DAB1: variants seen among roughly 807,000 people sequenced by gnomAD.
The protein encoded by DAB1 is DAB adaptor protein 1.
DAB1 carries 15 observed loss-of-function variants against 64.6 expected under a neutral mutation model. The ratio of observed to expected loss-of-function variants is 0.23; its 90% CI spans 0.16 to 0.36. DAB1 has a LOEUF of 0.36. Ranked by LOEUF, DAB1 falls within the 10% of genes least tolerant of loss-of-function variation. The probability of loss-of-function intolerance (pLI) is 1.00; values close to 1 mark genes in which losing one functional copy is unlikely to be tolerated. For synonymous variants in DAB1, 235 were observed against 251.9 expected (o/e 0.93, Z 0.64); for missense variants, 596 against 706.7 (o/e 0.84, Z 1.78).
At chr1:57,886,903 G>T (rs1644231738), upstream of DAB1, among the ~76,000 whole-genome samples, 1 of 152,226 alleles carries the variant, frequency 6.6e-6, no homozygotes, top group Non-Finnish European at 1.5e-5. Flanking sequence ...TGAGTTTGCA[G>T]ATGTCAGAAT....
In DAB1 at chr1:57,624,792, G is replaced by A. The variant is rs566086105; in HGVS notation, n.625+24800C>T. On this transcript the variant is annotated intron_variant and non_coding_transcript_variant, in intron 7 of 20. Coordinates refer to the DAB1 transcript ENST00000485760. ...GATCTGTCATTCTAAGACTTATTTG[G>A]GAGTTTTCCTACATATGCTGGCAGA... 3.3e-5 allele frequency among the ~76,000 whole-genome samples: 5 copies of A among 152,192 alleles called. No individual in the cohort carries two copies. In the South Asian group the frequency reaches 1.0e-3, roughly 32 times the overall value.
At chr1:58,020,871 C>T (rs113033850) in intron 5 of DAB1, among the ~76,000 whole-genome samples, 5 of 152,042 alleles carry the variant, frequency 3.3e-5, no homozygotes, top group Admixed American at 6.6e-5. Context: ...GGGGTGATGG[C>T]GCACACCTGT....
At chr1:58,480,602 T>C (rs1645463904) in intron 3 of DAB1, 1 of 165,464 alleles carries the variant, frequency 6.0e-6, no homozygotes, top group African/African-American at 2.4e-5. Flanking sequence ...CGACCCAGAC[T>C]TAGAAATCCA....
At chr1:57,704,919 T>TTTCC (rs1285048591) in intron 6 of DAB1, among the ~76,000 whole-genome samples, 2 of 125,262 alleles carry the variant, frequency 1.6e-5, no homozygotes, top group African/African-American at 3.0e-5. Flanking sequence ...CCTTTTCATC[T>TTTCC]TTCCTTCCTT....
chr1:57,662,439 G>A (rs559221645), intron 6 of DAB1, among the ~76,000 whole-genome samples: 23 of 152,174 alleles, frequency 1.5e-4, no homozygotes, highest in South Asian at 1.0e-3. Context: ...CAGGTGATCC[G>A]CCCATCTCCA....
chr1:57,113,786 A>AT (rs1237456850), intron 4 of DAB1, among the ~76,000 whole-genome samples: 1 of 152,190 alleles, frequency 6.6e-6, no homozygotes, highest in East Asian at 1.9e-4. Flanking sequence ...TTACAGCCTG[A>AT]TTTTAAAGAC....
intron 5 of DAB1, among the ~76,000 whole-genome samples, chr1:57,960,967 T>C (rs910699096): frequency 1.3e-5 from 2 of 152,214 alleles, no homozygotes; most frequent in Non-Finnish European, 2.9e-5. Flanking sequence ...GCTGGACAGA[T>C]TAGAGACCAA....
chr1:57,578,143 C>T (rs1570643978), intron 7 of DAB1, among the ~76,000 whole-genome samples: 2 of 152,188 alleles, frequency 1.3e-5, no homozygotes, highest in African/African-American at 2.4e-5. Context: ...GCCAGGGACT[C>T]GTAAATCAAA....
chr1:57,428,099 C>T (rs780919692), upstream of DAB1, among the ~76,000 whole-genome samples: 3 of 151,700 alleles, frequency 2.0e-5, no homozygotes, highest in South Asian at 2.1e-4. Context: ...ACCCAGGAGG[C>T]GGAGGGTGCA....
chr1:57,334,225 G>T (rs1462562187), intron 1 of DAB1, among the ~76,000 whole-genome samples: 1 of 152,198 alleles, frequency 6.6e-6, no homozygotes, highest in Non-Finnish European at 1.5e-5. Context: ...CATCTAAAGT[G>T]GACTCCAAGC....
chr1:57,649,098 G>A (rs1257955698), intron 7 of DAB1, among the ~76,000 whole-genome samples: 7 of 152,124 alleles, frequency 4.6e-5, no homozygotes, highest in South Asian at 2.1e-4. Flanking sequence ...CTTTATGCTC[G>A]TAAATCTCCA....
intron 1 of DAB1, among the ~76,000 whole-genome samples, chr1:57,339,836 A>C (rs538903000): frequency 1.3e-4 from 20 of 152,342 alleles, no homozygotes; most frequent in African/African-American, 1.4e-4. Flanking sequence ...TTAGTACTGA[A>C]AACTTAAGCA....
chr1:58,491,616 T>A (rs1048626261), intron 3 of DAB1, among the ~76,000 whole-genome samples: 17 of 152,122 alleles, frequency 1.1e-4, no homozygotes, highest in African/African-American at 4.1e-4. Context: ...GTTGCAATCC[T>A]AGTCTCTGAT....
chr1:58,227,858 G>GTTTCTGAGATTTATTTCTGAGATTTA (rs1659571493), intron 4 of DAB1, among the ~76,000 whole-genome samples: 1 of 152,144 alleles, frequency 6.6e-6, no homozygotes, highest in Non-Finnish European at 1.5e-5. Context: ...TGACAAAACA[G>GTTTCTGAGATTTATTTCTGAGATTTA]TTTCTGAGAT....
intron 4 of DAB1, among the ~76,000 whole-genome samples, chr1:58,243,680 T>C (rs1219581437): frequency 6.6e-6 from 1 of 152,208 alleles, no homozygotes; most frequent in African/African-American, 2.4e-5. Context: ...AACATTCTCT[T>C]CTATCTTTCA....
intron 2 of DAB1, among the ~76,000 whole-genome samples, chr1:57,248,785 C>T (rs1462790396): frequency 1.3e-5 from 2 of 152,120 alleles, no homozygotes; most frequent in Non-Finnish European, 2.9e-5. Context: ...TTTCTTTAAC[C>T]ACAGGTATCT....
At chr1:57,641,320 T>C (rs1157202183) in intron 7 of DAB1, among the ~76,000 whole-genome samples, 1 of 151,658 alleles carries the variant, frequency 6.6e-6, no homozygotes, top group Non-Finnish European at 1.5e-5. Flanking sequence ...GGTTTCTTCA[T>C]GGATAAAACC....
At chr1:58,200,097 T>C (rs1256453203) in intron 4 of DAB1, among the ~76,000 whole-genome samples, 2 of 152,132 alleles carry the variant, frequency 1.3e-5, no homozygotes, top group Admixed American at 6.5e-5. Context: ...TGTGCCCGAA[T>C]GCAGTGGGGA....
intron 3 of DAB1, among the ~76,000 whole-genome samples, chr1:58,377,824 A>G (rs1470925970): frequency 9.4e-5 from 13 of 138,200 alleles, no homozygotes; most frequent in Non-Finnish European, 1.6e-4. Flanking sequence ...CACCAATCAG[A>G]CGTAGATTTG....
Sources: allele counts gnomAD v4.1 joint callset (sites outside exome capture counted in the v4.1 genomes callset), GRCh38; gene constraint gnomAD v4.1.1; transcripts MANE v1.5; gene names NCBI Gene and HGNC (gene_info 2026-07-23, HGNC 2026-07-21).